Variants in RALGPS1 observed in about 807,000 individuals in gnomAD.
RALGPS1 encodes ras-specific guanine nucleotide-releasing factor RalGPS1.
In RALGPS1, 19 loss-of-function variants were observed where a neutral mutation model predicts 78.8. The ratio of observed to expected loss-of-function variants is 0.24; its 90% confidence interval spans 0.17 to 0.35. RALGPS1 has a LOEUF of 0.35. Ranked by LOEUF, RALGPS1 falls within the 10% of genes least tolerant of loss-of-function variation. The pLI is 1.00. For missense variants in RALGPS1, 454 were observed against 688.3 expected (o/e 0.66, Z 3.81); for synonymous variants, 228 against 256.3 (o/e 0.89, Z 1.06).
chr9:127,074,457 C>T (rs1205103228), intron 8 of RALGPS1, among the ~76,000 whole-genome samples: 1 of 152,156 alleles, frequency 6.6e-6, no homozygotes, highest in Non-Finnish European at 1.5e-5. Context: ...AGGCATGTTG[C>T]TGTGCAGAGC....
intron 13 of RALGPS1, among the ~76,000 whole-genome samples, chr9:127,197,165 T>C (rs892905318): frequency 3.3e-5 from 5 of 152,204 alleles, no homozygotes; most frequent in Non-Finnish European, 7.3e-5. Flanking sequence ...GTGGTGCTTA[T>C]GGCAACAGAA....
chr9:127,214,132 T>C (rs1223585568), intron 17 of RALGPS1: 1 of 152,168 alleles, frequency 6.6e-6, no homozygotes, highest in African/African-American at 2.4e-5. Flanking sequence ...TAAGGAAATG[T>C]GACACAAGGG....
chr9:126,956,158 C>G (rs1484381207), intron 1 of RALGPS1, among the ~76,000 whole-genome samples: 4 of 152,018 alleles, frequency 2.6e-5, no homozygotes, highest in African/African-American at 9.7e-5. Context: ...CTAGGAGAAC[C>G]AGGGGGCACC....
intron 4 of RALGPS1, among the ~76,000 whole-genome samples, chr9:127,032,645 TAA>T (rs2046526610): frequency 6.6e-6 from 1 of 152,206 alleles, no homozygotes; most frequent in Admixed American, 6.5e-5. Flanking sequence ...GTATGTGTTT[TAA>T]AGAGAGGGAG....
At chr9:127,179,383 G>C (rs1295062859) in intron 11 of RALGPS1, among the ~76,000 whole-genome samples, 1 of 152,196 alleles carries the variant, frequency 6.6e-6, no homozygotes, top group East Asian at 1.9e-4. Context: ...CTCCAGGGAG[G>C]CCTTTCTGGA....
At chr9:127,153,456 T>TTG (rs2058540814) in intron 8 of RALGPS1, among the ~76,000 whole-genome samples, 1 of 151,314 alleles carries the variant, frequency 6.6e-6, no homozygotes, top group Non-Finnish European at 1.5e-5. Flanking sequence ...AATGTCCCTC[T>TTG]TCTGCCAGGC....
At chr9:126,957,796 TG>T (rs1191616070) in intron 1 of RALGPS1, among the ~76,000 whole-genome samples, 1 of 152,094 alleles carries the variant, frequency 6.6e-6, no homozygotes, top group Non-Finnish European at 1.5e-5. Flanking sequence ...CTCCTCTCAG[TG>T]CCGTCTCTTC....
intron 1 of RALGPS1, among the ~76,000 whole-genome samples, chr9:126,927,353 A>C (rs2035378784): frequency 6.6e-6 from 1 of 152,060 alleles, no homozygotes; most frequent in African/African-American, 2.4e-5. Context: ...CAAGAGGAGG[A>C]ATGGGCAGCT....
intron 8 of RALGPS1, among the ~76,000 whole-genome samples, chr9:127,148,622 G>T (rs750250505): frequency 1.8e-4 from 28 of 152,300 alleles, no homozygotes; most frequent in Admixed American, 1.1e-3. Context: ...GGGTGAGGTT[G>T]TTTACTGAGG....
At chr9:127,112,206 G>C (rs1360837249) in intron 8 of RALGPS1, among the ~76,000 whole-genome samples, 3 of 152,238 alleles carry the variant, frequency 2.0e-5, no homozygotes, top group African/African-American at 7.2e-5. Flanking sequence ...TTTGGGCTCT[G>C]CTAGGAGGTG....
chr9:127,106,235 A>G (rs1048214180), intron 8 of RALGPS1, among the ~76,000 whole-genome samples: 1 of 145,150 alleles, frequency 6.9e-6, no homozygotes, highest in African/African-American at 2.4e-5. Context: ...CATTCAACTG[A>G]GCCTTTGTTT....
chr9:126,928,439 T>C (rs764284709), intron 1 of RALGPS1, among the ~76,000 whole-genome samples: 2 of 152,078 alleles, frequency 1.3e-5, no homozygotes, highest in Non-Finnish European at 2.9e-5. Flanking sequence ...AGGGAACAGA[T>C]AGAAAGTAGA....
At chr9:127,145,080 A>T (rs758777950) in intron 8 of RALGPS1, among the ~76,000 whole-genome samples, 8 of 152,204 alleles carry the variant, frequency 5.3e-5, no homozygotes, top group African/African-American at 9.6e-5. Context: ...GCCTTACAGT[A>T]TATAAAGTGA....
intron 8 of RALGPS1, among the ~76,000 whole-genome samples, chr9:127,131,855 A>G (rs907053737): frequency 5.3e-5 from 8 of 152,178 alleles, no homozygotes; most frequent in African/African-American, 1.9e-4. Flanking sequence ...AGCCCATCCT[A>G]GGTCAGTGGT....
At chr9:127,062,236 T>C (rs988856740) in intron 7 of RALGPS1, among the ~76,000 whole-genome samples, 1 of 152,092 alleles carries the variant, frequency 6.6e-6, no homozygotes, top group African/African-American at 2.4e-5. Context: ...TAGCTGGGAC[T>C]ACAGGCGCCC....
intron 9 of RALGPS1, among the ~76,000 whole-genome samples, chr9:127,167,051 G>A (rs35953743): frequency 6.6e-6 from 1 of 152,148 alleles, no homozygotes; most frequent in South Asian, 2.1e-4. Context: ...TGGGGCTCTA[G>A]GCACCTGCCT....
intron 13 of RALGPS1, 60 bp downstream of exon 13, chr9:127,196,691 G>T: frequency 6.7e-7 from 1 of 1,497,572 alleles, no homozygotes; most frequent in Non-Finnish European, 9.0e-7. Context: ...CGTGTGCTCC[G>T]TGTCTGTCTC....
intron 8 of RALGPS1, among the ~76,000 whole-genome samples, chr9:127,132,282 C>T (rs548416049): frequency 1.3e-5 from 2 of 152,262 alleles, no homozygotes; most frequent in South Asian, 4.1e-4. Context: ...TTCATTAACA[C>T]GTCCCTGATT....
At chr9:127,096,771 A>G (rs907548355) in intron 8 of RALGPS1, among the ~76,000 whole-genome samples, 1 of 152,246 alleles carries the variant, frequency 6.6e-6, no homozygotes, top group Admixed American at 6.5e-5. Flanking sequence ...ATGGATTCCC[A>G]AAGTCCCAGG....
Sources: allele counts gnomAD v4.1 joint callset (sites outside exome capture counted in the v4.1 genomes callset), GRCh38; gene constraint gnomAD v4.1.1; transcripts MANE v1.5; gene names NCBI Gene and HGNC (gene_info 2026-07-23, HGNC 2026-07-21).